The following DLG2 variants were observed in gnomAD, a reference collection of about 807,000 sequenced individuals.
DLG2 encodes disks large homolog 2.
Under a neutral mutation model 132.5 loss-of-function variants are expected in DLG2, and 45 were observed. That is an observed-to-expected ratio of 0.34 (90% CI 0.27 to 0.44). The LOEUF (loss-of-function observed/expected upper bound fraction) is 0.44, where lower values mean the gene tolerates loss of function less well. DLG2 is among the 20% of genes least tolerant of loss of function. The pLI is 1.00. For missense variants in DLG2, 1,045 were observed against 1,196.9 expected (o/e 0.87, Z 1.87); for synonymous variants, 424 against 419.6 (o/e 1.01, Z -0.13).
intron 3 of DLG2, among the ~76,000 whole-genome samples, chr11:85,416,009 T>C (rs2089808644): frequency 6.6e-6 from 1 of 152,168 alleles, no homozygotes; most frequent in African/African-American, 2.4e-5. Context: ...TTTTAGGTCT[T>C]ACATTTAAGT....
intron 7 of DLG2, among the ~76,000 whole-genome samples, chr11:84,469,406 A>G (rs1473847146): frequency 1.3e-5 from 2 of 151,632 alleles, no homozygotes; most frequent in Non-Finnish European, 3.0e-5. Flanking sequence ...TCTTATTTGT[A>G]TGGCCTTGGA....
intron 6 of DLG2, among the ~76,000 whole-genome samples, chr11:84,854,082 T>A (rs1660568436): frequency 6.6e-6 from 1 of 152,010 alleles, no homozygotes. Flanking sequence ...AAGCCATTGC[T>A]TATATGTTGA....
rs867193687 is a variant in DLG2, at chr11:85,483,182, A to C, written c.40+115475T>G. On this transcript the variant is annotated intron_variant, in intron 3 of 27. Coordinates refer to ENST00000376104, the MANE Select transcript of DLG2 (RefSeq NM_001142699.3). Reference sequence around the variant, plus strand: ...AAAGAGAGGATCCTATTAGCAAGAGAAAATTAGCACGAGGATCCTTATTAG... The same window carrying C: ...AAAGAGAGGATCCTATTAGCAAGAGCAAATTAGCACGAGGATCCTTATTAG... 3.9e-5 allele frequency among the ~76,000 whole-genome samples: 6 copies of C among 152,360 alleles called. No individual in the cohort carries two copies. The South Asian group carries it at 1.0e-3, about 26-fold the overall frequency.
chr11:85,441,973 G>A (rs1272774068), intron 3 of DLG2, among the ~76,000 whole-genome samples: 1 of 152,040 alleles, frequency 6.6e-6, no homozygotes, highest in Non-Finnish European at 1.5e-5. Flanking sequence ...AGACCAGAAT[G>A]ATGAGAAGAA....
At position 83,653,241 on chromosome 11, in the gene DLG2, G is replaced by C. The variant is rs370835178; in HGVS notation, c.1826-19916C>G. On this transcript the variant is annotated intron_variant, in intron 18 of 27. Transcript: ENST00000376104. Reference sequence around the variant, plus strand: ...TATCTAAATGTAACAACTACAAACTGAAGAAACCTGCCATGGGGCTGACAA... The same window carrying C: ...TATCTAAATGTAACAACTACAAACTCAAGAAACCTGCCATGGGGCTGACAA... Among the ~76,000 whole-genome samples the C allele has an allele frequency of 3.3e-5, 5 of 152,256 alleles. No homozygotes were observed. In the South Asian group the frequency reaches 8.3e-4, roughly 25 times the overall value.
At chr11:84,959,233 T>G (rs1341226983) in intron 6 of DLG2, among the ~76,000 whole-genome samples, 1 of 152,212 alleles carries the variant, frequency 6.6e-6, no homozygotes, top group East Asian at 1.9e-4. Context: ...TAATGGTGAT[T>G]GCTTTTGGGT....
intron 6 of DLG2, among the ~76,000 whole-genome samples, chr11:84,705,237 C>A (rs1341209200): frequency 6.6e-6 from 1 of 151,592 alleles, no homozygotes; most frequent in African/African-American, 2.4e-5. Context: ...TGCTGAGAAG[C>A]CCCCTACACA....
chr11:83,726,964 G>A (rs771453780), intron 18 of DLG2, among the ~76,000 whole-genome samples: 1 of 151,968 alleles, frequency 6.6e-6, no homozygotes, highest in Non-Finnish European at 1.5e-5. Context: ...TCACCACCAC[G>A]GATAAAAAAT....
At chr11:84,333,790 C>A (rs2098471734) in intron 7 of DLG2, among the ~76,000 whole-genome samples, 1 of 152,188 alleles carries the variant, frequency 6.6e-6, no homozygotes, top group African/African-American at 2.4e-5. Context: ...TAGTATCACT[C>A]ATACTGGGAA....
intron 3 of DLG2, chr11:85,469,764 G>A (rs919384287): frequency 6.6e-6 from 1 of 152,168 alleles, no homozygotes; most frequent in African/African-American, 2.4e-5. Flanking sequence ...TTTCCAGGGA[G>A]CTCTAAAAGA....
chr11:85,393,018 T>A (rs1176122132), intron 3 of DLG2, among the ~76,000 whole-genome samples: 2 of 151,990 alleles, frequency 1.3e-5, no homozygotes, highest in African/African-American at 4.8e-5. Flanking sequence ...GCAATATAAA[T>A]AATCAGCAGA....
chr11:83,920,906 A>G (rs2077757807), intron 15 of DLG2, among the ~76,000 whole-genome samples: 5 of 152,160 alleles, frequency 3.3e-5, no homozygotes, highest in African/African-American at 9.7e-5. Context: ...CTGTTGATAT[A>G]TCACCTATCT....
At chr11:83,493,061 G>A (rs926915052) in intron 21 of DLG2, among the ~76,000 whole-genome samples, 1 of 152,104 alleles carries the variant, frequency 6.6e-6, no homozygotes, top group Non-Finnish European at 1.5e-5. Flanking sequence ...GATCTCCTCT[G>A]CCACTGTGCC....
chr11:84,644,412 A>G (rs368498781), intron 6 of DLG2, among the ~76,000 whole-genome samples: 2 of 152,246 alleles, frequency 1.3e-5, no homozygotes, highest in African/African-American at 4.8e-5. Flanking sequence ...TACATGTAAG[A>G]TGTCTTATTG....
At chr11:84,957,742 T>A (rs1336542721) in intron 6 of DLG2, among the ~76,000 whole-genome samples, 4 of 152,188 alleles carry the variant, frequency 2.6e-5, no homozygotes, top group Non-Finnish European at 5.9e-5. Flanking sequence ...AGTGAGTGAA[T>A]GTGTATATTT....
chr11:85,116,086 C>T (rs997560366), intron 5 of DLG2, among the ~76,000 whole-genome samples: 1 of 151,904 alleles, frequency 6.6e-6, no homozygotes, highest in Non-Finnish European at 1.5e-5. Flanking sequence ...GAGGTCAAAA[C>T]GTGATGCCCA....
In DLG2 at chr11:84,844,129, GTGTGTGTATATATATATATA is replaced by G. The variant is rs1199325257; in HGVS notation, c.357+267512_357+267531del. ...TTTGTGTGTGTGTGTGTGTGTGTGT[GTGTGTGTATATATATATATA>G]TATATATATATATATATATATATGT... On this transcript the variant is annotated intron_variant, in intron 6 of 27. Transcript: ENST00000376104. Among the ~76,000 whole-genome samples, 61 of 25,956 alleles carry G rather than the reference GTGTGTGTATATATATATATA, an allele frequency of 2.4e-3. 1 individual carries two copies. Among genetic ancestry groups the G allele is most frequent in the African/African-American group, 6.5e-3 (59 of 9,046 alleles). 17.0% of individuals were successfully genotyped at this position (25,956 alleles called of 152,430 possible).
chr11:84,007,410 T>A (rs12805936), intron 11 of DLG2, among the ~76,000 whole-genome samples: 3,354 of 151,810 alleles, frequency 0.022, 66 homozygotes, highest in Middle Eastern at 0.034. Flanking sequence ...AAATCTATTT[T>A]ATTGCAACTA....
At chr11:85,085,899 T>C (rs1239264488) in intron 6 of DLG2, among the ~76,000 whole-genome samples, 6 of 152,126 alleles carry the variant, frequency 3.9e-5, no homozygotes, top group Non-Finnish European at 7.4e-5. Flanking sequence ...TTTAGCAGCA[T>C]TATTGTCAAT....
Sources: allele counts gnomAD v4.1 joint callset (sites outside exome capture counted in the v4.1 genomes callset), GRCh38; gene constraint gnomAD v4.1.1; transcripts MANE v1.5; gene names NCBI Gene and HGNC (gene_info 2026-07-23, HGNC 2026-07-21).